The following IQSEC3 variants were observed in gnomAD, a reference collection of about 807,000 sequenced individuals.
The protein encoded by IQSEC3 is IQ motif and SEC7 domain-containing protein 3.
Under a neutral mutation model 105.4 loss-of-function variants are expected in IQSEC3, and 50 were observed. The ratio of observed to expected loss-of-function variants is 0.47; its 90% CI spans 0.38 to 0.60. The LOEUF is 0.60. Among genes scored for constraint, IQSEC3 ranks in the 20% least tolerant of loss-of-function variants. IQSEC3 has a pLI of 0.00. For missense variants in IQSEC3, 1,415 were observed against 1,630.0 expected, an observed-to-expected ratio of 0.87 and a Z score of 2.27; for synonymous variants, 708 against 746.0, an observed-to-expected ratio of 0.95 and a Z score of 0.83.
chr12:136,642 T>C (rs1354760770), intron 3 of IQSEC3, among the ~76,000 whole-genome samples: 3 of 152,092 alleles, frequency 2.0e-5, no homozygotes, highest in South Asian at 4.1e-4. Context: ...TCCCTGTTCT[T>C]GCCTTGAGTC....
rs1022596446 is a variant in IQSEC3 at position 131,702 on chromosome 12, G to A, written c.903+5790G>A. Among the ~76,000 whole-genome samples, 30 of 152,258 alleles carry A rather than the reference G, an allele frequency of 2.0e-4. 1 individual carries two copies. The highest frequency in any genetic ancestry group is 6.2e-4 in the South Asian group (3 of 4,820). Reference sequence around the variant, plus strand: ...TTGCCTGTGATGGACAGTCCGCAGCGAGAGCTCTGAGCAGGGGGTGGCACT... The same window carrying A: ...TTGCCTGTGATGGACAGTCCGCAGCAAGAGCTCTGAGCAGGGGGTGGCACT... On this transcript the variant is annotated intron_variant, in intron 3 of 13. Coordinates refer to ENST00000538872, the MANE Select transcript of IQSEC3 (RefSeq NM_001170738.2).
chr12:126,178 A>C (rs1028646721), intron 3 of IQSEC3, among the ~76,000 whole-genome samples: 1 of 152,228 alleles, frequency 6.6e-6, no homozygotes, highest in East Asian at 1.9e-4. Flanking sequence ...CACAGTGCTC[A>C]GCAAGCCTCC....
At chr12:69,785 G>A (rs534320556) in intron 1 of IQSEC3, among the ~76,000 whole-genome samples, 34 of 152,360 alleles carry the variant, frequency 2.2e-4, no homozygotes, top group Admixed American at 8.5e-4. Context: ...AGCTCAGGAC[G>A]GAATCACCAT....
intron 13 of IQSEC3, among the ~76,000 whole-genome samples, chr12:173,372 G>T (rs555423909): frequency 2.2e-3 from 338 of 152,332 alleles, no homozygotes; most frequent in African/African-American, 7.8e-3. Flanking sequence ...ACAAAGGCCT[G>T]CGGAGCCTCG....
At chr12:99,283 A>G (rs1864344567) in intron 2 of IQSEC3, 69 bp downstream of exon 2, 66 of 1,410,702 alleles carry the variant, frequency 4.7e-5, no homozygotes, top group Non-Finnish European at 5.9e-5. Context: ...AGCACGTACC[A>G]CTGCACTAGC....
At chr12:111,163 G>T (rs566955126) in intron 2 of IQSEC3, among the ~76,000 whole-genome samples, 59 of 152,136 alleles carry the variant, frequency 3.9e-4, no homozygotes, top group African/African-American at 1.3e-3. Flanking sequence ...GGAACATGGG[G>T]GTTAATTCAC....
intron 2 of IQSEC3, among the ~76,000 whole-genome samples, chr12:121,393 A>G (rs1288270774): frequency 6.6e-6 from 1 of 152,208 alleles, no homozygotes; most frequent in Admixed American, 6.5e-5. Flanking sequence ...GGCTGAGGAC[A>G]TGCTCTTGAT....
rs1012772008 is a variant in IQSEC3 at position 117,980 on chromosome 12, C to A, written c.624-7653C>A. On this transcript the variant is annotated intron_variant, in intron 2 of 13. Transcript: ENST00000538872. ...GAGCAGGGATGGAGCAGCGACACAG[C>A]GGGTGTGGCCAGGGCCCAAGCAAAT... 3.3e-5 allele frequency among the ~76,000 whole-genome samples: 5 copies of A among 152,102 alleles called. No individual in the cohort carries two copies. In the East Asian group the frequency reaches 5.8e-4, roughly 18 times the overall value.
chr12:99,520 G>T (rs1864352937), intron 2 of IQSEC3, among the ~76,000 whole-genome samples: 1 of 152,216 alleles, frequency 6.6e-6, no homozygotes. Flanking sequence ...ATTTGATTGG[G>T]GATATTCGTG....
At chr12:74,398 T>G (rs1271461667) in intron 1 of IQSEC3, among the ~76,000 whole-genome samples, 7 of 152,262 alleles carry the variant, frequency 4.6e-5, no homozygotes, top group Non-Finnish European at 1.0e-4. Context: ...GGTGGCCTTC[T>G]AAAATTCTCT....
intron 2 of IQSEC3, among the ~76,000 whole-genome samples, chr12:109,555 T>C (rs1864805904): frequency 6.6e-6 from 1 of 152,116 alleles, no homozygotes; most frequent in Admixed American, 6.5e-5. Context: ...GTCTTTGCCG[T>C]ACGCAACCCA....
intron 2 of IQSEC3, among the ~76,000 whole-genome samples, chr12:117,612 G>C (rs1489441374): frequency 6.6e-6 from 1 of 152,222 alleles, no homozygotes; most frequent in African/African-American, 2.4e-5. Context: ...GCCTAGGTGA[G>C]GGGAGGGCTG....
chr12:168,409 C>T (rs945684403), intron 11 of IQSEC3, among the ~76,000 whole-genome samples: 1 of 152,138 alleles, frequency 6.6e-6, no homozygotes, highest in East Asian at 1.9e-4. Context: ...CCCAGGCAGG[C>T]TCCGTCCTCC....
At chr12:76,341 G>A (rs1171783363) in intron 1 of IQSEC3, among the ~76,000 whole-genome samples, 1 of 152,256 alleles carries the variant, frequency 6.6e-6, no homozygotes, top group Non-Finnish European at 1.5e-5. Context: ...GGGACGGTGA[G>A]CAGGTGGTGC....
At chr12:137,453 AGT>A (rs1865812062) in intron 3 of IQSEC3, 2 of 152,084 alleles carry the variant, frequency 1.3e-5, no homozygotes, top group African/African-American at 4.8e-5. Context: ...TAGAAACGAC[AGT>A]GTTATAAACT....
At position 174,858 on chromosome 12, in the gene IQSEC3, C is replaced by A. The variant is rs778653919; in HGVS notation, c.3374C>A (p.Ser1125Tyr). 23 of 1,579,122 alleles carry A rather than the reference C, an allele frequency of 1.5e-5. No homozygotes were observed. The African/African-American group carries it at 3.1e-4, about 21-fold the overall frequency. The change falls in exon 14 of 14, where the codon TCC becomes TAC. Residue 1125 changes from serine (S) to tyrosine (Y), a missense_variant. Around this residue, in one of 6 missense-constraint regions of IQSEC3, gnomAD observed 419 missense variants for 436.2 expected, o/e 0.96. Coordinates refer to ENST00000538872, the MANE Select transcript of IQSEC3 (RefSeq NM_001170738.2). The stretch of plus-strand genomic sequence containing the variant: ...GCTCTCTCCTGCTACACCTCGTCGT[C>A]CTCTGACTCCTGCGGCTCCACACCC... ...SQALSCYTSS[S>Y]SDSCGSTPLG... is the part of the protein sequence containing the mutation.
chr12:71,016 C>T (rs1254561850), intron 1 of IQSEC3, among the ~76,000 whole-genome samples: 3 of 152,276 alleles, frequency 2.0e-5, no homozygotes, highest in Non-Finnish European at 4.4e-5. Flanking sequence ...TTCCTTCTAT[C>T]CTTCTTCCAC....
intron 1 of IQSEC3, among the ~76,000 whole-genome samples, chr12:98,471 C>T (rs782711846): frequency 6.6e-5 from 10 of 152,314 alleles, no homozygotes; most frequent in South Asian, 4.1e-4. Context: ...AGAACCACTT[C>T]GCTAGTTCAA....
rs181226434 is a variant in IQSEC3 at position 160,964 on chromosome 12, G to A, written c.2444-962G>A. Among the ~76,000 whole-genome samples, 7 of 152,180 alleles carry A rather than the reference G, an allele frequency of 4.6e-5. No individual in the cohort carries two copies. The East Asian group carries it at 1.4e-3, about 29-fold the overall frequency. On this transcript the variant is annotated intron_variant, in intron 7 of 13. Coordinates refer to ENST00000538872, the MANE Select transcript of IQSEC3 (RefSeq NM_001170738.2). Reference sequence around the variant, plus strand: ...CATGCAGCCTGCCACCTTGAACTGGGGGCATCCATACACTCAGCCTTTCTC... The same window carrying A: ...CATGCAGCCTGCCACCTTGAACTGGAGGCATCCATACACTCAGCCTTTCTC...
Sources: gnomAD v4.1 joint callset for allele counts (sites outside exome capture counted in the v4.1 genomes callset) on GRCh38, gnomAD v4.1.1 for gene constraint, gnomAD v4.1.1 regional missense constraint, MANE v1.5 for transcripts, NCBI Gene and HGNC (gene_info 2026-07-23, HGNC 2026-07-21) for gene names.